The following PIEZO2 variants were observed in gnomAD, a reference collection of about 807,000 sequenced individuals.
The protein encoded by PIEZO2 is piezo type mechanosensitive ion channel component 2.
PIEZO2 carries 172 observed loss-of-function variants against 337.3 expected under a neutral mutation model. The observed-to-expected ratio is 0.51, with a 90% CI of 0.45 to 0.58. PIEZO2 has a LOEUF of 0.58. PIEZO2 is among the 20% of genes least tolerant of loss of function. PIEZO2 has a pLI of 0.00. For synonymous variants in PIEZO2, 1,251 were observed against 1,228.5 expected (o/e 1.02, Z -0.38); for missense variants, 3,028 against 3,391.3 (o/e 0.89, Z 2.66).
At chr18:10,857,562 T>C (rs899693269) in intron 5 of PIEZO2, among the ~76,000 whole-genome samples, 3 of 152,154 alleles carry the variant, frequency 2.0e-5, no homozygotes, top group African/African-American at 4.8e-5. Flanking sequence ...ATTTACAGAG[T>C]TGGCCACCAA....
At chr18:11,068,039 A>G (rs1246793647) in intron 1 of PIEZO2, among the ~76,000 whole-genome samples, 1 of 152,172 alleles carries the variant, frequency 6.6e-6, no homozygotes, top group Admixed American at 6.5e-5. Flanking sequence ...TTCCTGCCTC[A>G]GCCTCCCGAG....
intron 1 of PIEZO2, among the ~76,000 whole-genome samples, chr18:11,095,797 C>T (rs944496718): frequency 5.3e-5 from 8 of 152,120 alleles, no homozygotes; most frequent in Non-Finnish European, 1.2e-4. Flanking sequence ...CCTGAAATCC[C>T]CCGATGCAGA....
At chr18:10,691,782 C>CATATAT (rs33977962) in intron 47 of PIEZO2, among the ~76,000 whole-genome samples, 3 of 96,608 alleles carry the variant, frequency 3.1e-5, no homozygotes, top group African/African-American at 1.4e-4. Flanking sequence ...CACACACACA[C>CATATAT]ATATATATAT....
chr18:11,096,125 A>C lies in PIEZO2; in HGVS notation c.65-29903T>G, dbSNP rs1399591683. 6.6e-6 allele frequency among the ~76,000 whole-genome samples: 1 copy of C among 152,242 alleles called. No homozygotes were observed. Among genetic ancestry groups the C allele is most frequent in the Non-Finnish European group, 1.5e-5 (1 of 68,030 alleles). On this transcript the variant is annotated intron_variant, in intron 1 of 55. Coordinates refer to ENST00000674853, the MANE Select transcript of PIEZO2 (RefSeq NM_001378183.1). The surrounding 1 kb of genome is among the most constrained non-coding windows in gnomAD (Gnocchi z 4.6). ...AGGCTTCCATTCTCTAAGCCGGTCC[A>C]CATGGAGCCCTCACTCTGTTGCCCA...
At chr18:10,699,877 C>T (rs932484838) in intron 43 of PIEZO2, among the ~76,000 whole-genome samples, 2 of 152,172 alleles carry the variant, frequency 1.3e-5, no homozygotes, top group Non-Finnish European at 1.5e-5. Context: ...CATTTGCTTC[C>T]TAAGACATTG....
At chr18:11,098,707 C>A (rs996658810) in intron 1 of PIEZO2, among the ~76,000 whole-genome samples, 1 of 151,500 alleles carries the variant, frequency 6.6e-6, no homozygotes, top group South Asian at 2.1e-4. Flanking sequence ...ATTATGACAG[C>A]GTGCCTTTTT....
intron 36 of PIEZO2, among the ~76,000 whole-genome samples, chr18:10,722,408 T>C (rs548040683): frequency 6.4e-4 from 98 of 151,976 alleles, no homozygotes; most frequent in African/African-American, 2.2e-3. Flanking sequence ...TTTTTTGTAT[T>C]TTTAGTAGAG....
At chr18:11,106,406 T>TC (rs1048195572) in intron 1 of PIEZO2, among the ~76,000 whole-genome samples, 1 of 149,162 alleles carries the variant, frequency 6.7e-6, no homozygotes, top group African/African-American at 2.5e-5. Context: ...CCCATTTTTT[T>TC]CTTTCCTCTC....
chr18:10,867,535 A>G (rs2042037073), intron 5 of PIEZO2, among the ~76,000 whole-genome samples: 1 of 152,222 alleles, frequency 6.6e-6, no homozygotes, highest in Non-Finnish European at 1.5e-5. Context: ...TATCCTTCAT[A>G]TTTGACTTGT....
chr18:10,848,082 C>T (rs547987367), intron 7 of PIEZO2, among the ~76,000 whole-genome samples: 2 of 152,316 alleles, frequency 1.3e-5, no homozygotes, highest in East Asian at 1.9e-4. Context: ...AAGACAGGCA[C>T]ACTCTAGCAA....
chr18:11,143,428 AC>A lies in PIEZO2; in HGVS notation c.64+5096del, dbSNP rs1183575412. 6.6e-6 allele frequency among the ~76,000 whole-genome samples: 1 copy of A among 152,242 alleles called. No homozygotes were observed. The highest frequency in any genetic ancestry group is 1.5e-5 in the Non-Finnish European group (1 of 68,044). Reference sequence around the variant, plus strand: ...AATAAAATCACATTAAATAAAGACTACAAAAATGGTGCTGAAAAACAAAAGC... The same window carrying A: ...AATAAAATCACATTAAATAAAGACTAAAAAATGGTGCTGAAAAACAAAAGC... On this transcript the variant is annotated intron_variant, in intron 1 of 55. Transcript: ENST00000674853. This position sits in a 1 kb window ranked among gnomAD's most constrained non-coding sequence, Gnocchi z 4.9.
intron 20 of PIEZO2, among the ~76,000 whole-genome samples, chr18:10,770,699 T>C (rs1288862659): frequency 6.6e-6 from 1 of 152,056 alleles, no homozygotes; most frequent in Admixed American, 6.5e-5. Flanking sequence ...CTTTTCTTTC[T>C]TTCTTCCTTT....
chr18:11,040,734 G>C (rs1020631555), intron 2 of PIEZO2, among the ~76,000 whole-genome samples: 3 of 152,116 alleles, frequency 2.0e-5, no homozygotes, highest in Non-Finnish European at 4.4e-5. Context: ...GGCGAAAAAA[G>C]TGTATTTTGG....
chr18:10,913,808 T>C (rs2030688592), intron 3 of PIEZO2, among the ~76,000 whole-genome samples: 1 of 152,084 alleles, frequency 6.6e-6, no homozygotes, highest in Admixed American at 6.5e-5. Context: ...GAACGACTTC[T>C]TTCTATTCAC....
intron 1 of PIEZO2, among the ~76,000 whole-genome samples, chr18:11,106,648 A>G (rs1233996924): frequency 2.6e-5 from 4 of 151,776 alleles, no homozygotes; most frequent in Admixed American, 6.6e-5. Flanking sequence ...TCTGCGCTCA[A>G]GTGATCTTCC....
chr18:10,820,873 T>C (rs866887795), intron 7 of PIEZO2, among the ~76,000 whole-genome samples: 2 of 152,204 alleles, frequency 1.3e-5, no homozygotes, highest in Non-Finnish European at 2.9e-5. Flanking sequence ...TCAGTCCCAG[T>C]AGAGTAGAAG....
Position 10,716,885 on chromosome 18 carries a change from G to A in PIEZO2, c.5090-1069C>T, listed in dbSNP as rs753297162. On this transcript the variant is annotated intron_variant, in intron 37 of 55. Coordinates refer to ENST00000674853, the MANE Select transcript of PIEZO2 (RefSeq NM_001378183.1). The surrounding 1 kb of genome is among the most constrained non-coding windows in gnomAD (Gnocchi z 4.1). ...AAATGATGAAGGTGAACATTATTAC[G>A]GCGTGGTTTTGCTACAGTGGGCCTG... Among the ~76,000 whole-genome samples, 1 of 152,088 alleles carries A rather than the reference G, an allele frequency of 6.6e-6. No individual in the cohort carries two copies. The highest frequency in any genetic ancestry group is 2.1e-4 in the South Asian group (1 of 4,814).
chr18:10,967,561 C>G (rs150159488), intron 3 of PIEZO2, among the ~76,000 whole-genome samples: 10 of 152,160 alleles, frequency 6.6e-5, no homozygotes, highest in African/African-American at 2.2e-4. Context: ...GTCTACATTC[C>G]CATCAACAGT....
At chr18:10,711,142 C>A (rs2035805066) in intron 39 of PIEZO2, among the ~76,000 whole-genome samples, 1 of 152,154 alleles carries the variant, frequency 6.6e-6, no homozygotes, top group South Asian at 2.1e-4. Context: ...TTCCTATTTG[C>A]AATCTTAGGT....
Sources: gnomAD v4.1 joint callset for allele counts (sites outside exome capture counted in the v4.1 genomes callset) on GRCh38, gnomAD v4.1.1 for gene constraint, Gnocchi (gnomAD v3.1) non-coding constraint, MANE v1.5 for transcripts, NCBI Gene and HGNC (gene_info 2026-07-23, HGNC 2026-07-21) for gene names.